ADAMTSL1: variants seen among roughly 807,000 people sequenced by gnomAD.
ADAMTSL1 encodes ADAMTS like 1.
ADAMTSL1 carries 126 observed loss-of-function variants against 201.8 expected under a neutral mutation model. The ratio of observed to expected loss-of-function variants is 0.62; its 90% CI spans 0.54 to 0.72. The LOEUF is 0.72. ADAMTSL1 is among the 30% of genes least tolerant of loss of function. The pLI is 0.00. For synonymous variants in ADAMTSL1, 1,121 were observed against 903.4 expected, an observed-to-expected ratio of 1.24 and a Z score of -4.32; for missense variants, 2,679 against 2,277.8, an observed-to-expected ratio of 1.18 and a Z score of -3.59.
intron 16 of ADAMTSL1, among the ~76,000 whole-genome samples, chr9:18,754,330 A>G (rs7024654): frequency 0.2 from 29,769 of 152,172 alleles, 4,587 homozygotes; most frequent in African/African-American, 0.42. Context: ...AAACGTTAAT[A>G]TTTTTGCATG....
intron 1 of ADAMTSL1, among the ~76,000 whole-genome samples, chr9:18,037,601 G>A (rs576740414): frequency 1.3e-5 from 2 of 152,130 alleles, no homozygotes; most frequent in Admixed American, 6.6e-5. Flanking sequence ...GTAATTAAAT[G>A]CTTCCTTTTA....
intron 1 of ADAMTSL1, among the ~76,000 whole-genome samples, chr9:18,147,267 G>T (rs759497797): frequency 8.5e-5 from 13 of 152,068 alleles, no homozygotes; most frequent in Admixed American, 2.0e-4. Flanking sequence ...ATATAAGTTA[G>T]GAATGTAATA....
intron 2 of ADAMTSL1, among the ~76,000 whole-genome samples, chr9:18,406,070 G>A (rs896640415): frequency 2.0e-5 from 3 of 152,200 alleles, no homozygotes; most frequent in Non-Finnish European, 4.4e-5. Context: ...AGACTTGCAA[G>A]TTGAATGCAG....
At chr9:18,567,128 G>A (rs2132316805) in intron 3 of ADAMTSL1, among the ~76,000 whole-genome samples, 1 of 152,254 alleles carries the variant, frequency 6.6e-6, no homozygotes, top group South Asian at 2.1e-4. Flanking sequence ...AAGGCCTTCA[G>A]GTGATTTTGA....
intron 23 of ADAMTSL1, among the ~76,000 whole-genome samples, chr9:18,873,441 T>G (rs1323357608): frequency 6.6e-6 from 1 of 152,212 alleles, no homozygotes; most frequent in African/African-American, 2.4e-5. Context: ...GGTCTTAGAT[T>G]TAAGTCCTTG....
chr9:18,868,376 C>T (rs1827673858), intron 23 of ADAMTSL1, among the ~76,000 whole-genome samples: 1 of 152,140 alleles, frequency 6.6e-6, no homozygotes, highest in African/African-American at 2.4e-5. Flanking sequence ...TGGCTATCTA[C>T]TGGTCAGTGC....
chr9:18,739,820 C>T (rs1204793768), intron 15 of ADAMTSL1, among the ~76,000 whole-genome samples: 1 of 152,058 alleles, frequency 6.6e-6, no homozygotes, highest in African/African-American at 2.4e-5. Flanking sequence ...GCACTGCCCA[C>T]AGGGGTGTGT....
chr9:18,205,782 G>A (rs949289932), intron 2 of ADAMTSL1, among the ~76,000 whole-genome samples: 9 of 152,040 alleles, frequency 5.9e-5, no homozygotes, highest in South Asian at 4.1e-4. Flanking sequence ...GGCCAGGCAC[G>A]GTGGCTCATG....
At chr9:18,514,143 A>G (rs1026676999) in intron 2 of ADAMTSL1, among the ~76,000 whole-genome samples, 1 of 151,958 alleles carries the variant, frequency 6.6e-6, no homozygotes, top group African/African-American at 2.4e-5. Flanking sequence ...TTTACCATTT[A>G]TTTGTGTCAT....
chr9:18,709,906 C>G (rs552496629), intron 14 of ADAMTSL1, among the ~76,000 whole-genome samples: 13 of 152,322 alleles, frequency 8.5e-5, no homozygotes, highest in Admixed American at 8.5e-4. Flanking sequence ...TACAAGTCCT[C>G]TCTACTTTTT....
At chr9:18,135,776 C>T (rs1432107892) in intron 1 of ADAMTSL1, among the ~76,000 whole-genome samples, 2 of 152,036 alleles carry the variant, frequency 1.3e-5, no homozygotes, top group Admixed American at 1.3e-4. Context: ...ACCTAAGATG[C>T]CTCTGAGGAT....
In ADAMTSL1 at chr9:18,243,404, C is replaced by T. The variant is rs745631914; in HGVS notation, c.207+79423C>T. Among the ~76,000 whole-genome samples the T allele has an allele frequency of 4.9e-4, 74 of 152,214 alleles. No individual in the cohort carries two copies. The Middle Eastern group carries it at 0.017, about 35-fold the overall frequency. ...GTGCTTCTATCCCCACCATCTCTAA[C>T]CCTGAAGACTCTCAAAAATTACCAG... On this transcript the variant is annotated intron_variant, in intron 2 of 29. Transcript: ENST00000680146.
chr9:18,275,463 A>G (rs1476994417), intron 2 of ADAMTSL1, among the ~76,000 whole-genome samples: 1 of 152,186 alleles, frequency 6.6e-6, no homozygotes, highest in Non-Finnish European at 1.5e-5. Context: ...GTTTCAGAAC[A>G]ATTTCATCAG....
intron 2 of ADAMTSL1, among the ~76,000 whole-genome samples, chr9:18,291,632 A>G (rs1174471561): frequency 1.3e-5 from 2 of 151,140 alleles, no homozygotes; most frequent in South Asian, 4.2e-4. Context: ...CTTGCCCACC[A>G]TTATAATCAA....
At chr9:18,665,615 C>T (rs750298557) in intron 9 of ADAMTSL1, among the ~76,000 whole-genome samples, 1 of 152,108 alleles carries the variant, frequency 6.6e-6, no homozygotes, top group Non-Finnish European at 1.5e-5. Context: ...TCTCACTCTA[C>T]ACATCTGTCT....
chr9:18,088,243 A>T (rs1475528571), intron 1 of ADAMTSL1, among the ~76,000 whole-genome samples: 1 of 152,210 alleles, frequency 6.6e-6, no homozygotes, highest in Non-Finnish European at 1.5e-5. Flanking sequence ...ACAAAAATCA[A>T]CTTTAAGTAG....
chr9:18,832,646 C>T (rs537125273), intron 23 of ADAMTSL1, among the ~76,000 whole-genome samples: 56 of 152,308 alleles, frequency 3.7e-4, no homozygotes, highest in African/African-American at 1.2e-3. Flanking sequence ...ACAGCCAAGA[C>T]ATCCCTAGTC....
chr9:18,370,239 C>G (rs755661731), intron 2 of ADAMTSL1, among the ~76,000 whole-genome samples: 8 of 151,244 alleles, frequency 5.3e-5, no homozygotes, highest in Admixed American at 1.3e-4. Context: ...GAGATCACAC[C>G]ATTGCACTCC....
chr9:17,951,619 C>G (rs61692726), intron 1 of ADAMTSL1, among the ~76,000 whole-genome samples: 1,763 of 150,146 alleles, frequency 0.012, 29 homozygotes, highest in African/African-American at 0.041. Flanking sequence ...CTATTCATAA[C>G]CATTACTCTT....
Sources: allele counts gnomAD v4.1 joint callset (sites outside exome capture counted in the v4.1 genomes callset), GRCh38; gene constraint gnomAD v4.1.1; transcripts MANE v1.5; gene names NCBI Gene and HGNC (gene_info 2026-07-23, HGNC 2026-07-21).